FANCB: variants seen among roughly 807,000 people sequenced by gnomAD.
FANCB encodes the protein FA complementation group B.
A neutral mutation model predicts 38.9 loss-of-function variants in FANCB; 5 were observed. The ratio of observed to expected loss-of-function variants is 0.13; its 90% CI spans 0.07 to 0.27. The LOEUF (loss-of-function observed/expected upper bound fraction) is 0.27. FANCB is among the 10% of genes least tolerant of loss of function. FANCB has a pLI of 1.00. For missense variants in FANCB, 573 were observed against 602.7 expected (o/e 0.95, Z 0.52); for synonymous variants, 236 against 215.4 (o/e 1.10, Z -0.84).
At chrX:14,839,742 T>G (rs756761894), downstream of FANCB, among the ~76,000 whole-genome samples, 1 of 111,883 alleles carries the variant, frequency 8.9e-6, no homozygotes, top group Non-Finnish European at 1.9e-5. Context: ...AATAAACTGT[T>G]TCTATCCTGG....
In FANCB at chrX:14,844,978, A is replaced by G; in HGVS notation, c.1805T>C (p.Met602Thr). The G allele has an allele frequency of 8.3e-7, 1 of 1,207,160 alleles. No individual in the cohort carries two copies. Among genetic ancestry groups the G allele is most frequent in the African/African-American group, 1.7e-5 (1 of 57,779 alleles). ...KFCCTVLLQIMERESGNCPKD... is the reference protein window; with the variant it reads ...KFCCTVLLQITERESGNCPKD... The stretch of plus-strand genomic sequence containing the variant: ...AGGACAGTTACCACTTTCTCTCTCC[A>G]TAATTTGTAGCAGTACAGTGCAACA... Residue 602 changes from methionine (M) to threonine (T), a missense_variant, in exon 8 of 10, where the codon ATG (methionine) becomes ACG (threonine). Transcript: ENST00000650831.
At chrX:14,790,383 C>A in the FANCB span, among the ~76,000 whole-genome samples, 1 of 111,737 alleles carries the variant, frequency 8.9e-6, no homozygotes, top group Non-Finnish European at 1.9e-5. Context: ...ATCAGAGAAT[C>A]TAGGTTCTAG....
the FANCB span, among the ~76,000 whole-genome samples, chrX:14,714,401 C>A: frequency 9.0e-6 from 1 of 111,412 alleles, no homozygotes; most frequent in African/African-American, 3.3e-5. Context: ...TATCTAGCCC[C>A]AAGTATCAAT....
chrX:14,706,515 T>G, the FANCB span, among the ~76,000 whole-genome samples: 3 of 112,521 alleles, frequency 2.7e-5, no homozygotes, highest in Non-Finnish European at 3.7e-5. Context: ...AATTTTATTT[T>G]TAATTGTGAA....
At chrX:14,735,539 G>T in the FANCB span, among the ~76,000 whole-genome samples, 1 of 112,056 alleles carries the variant, frequency 8.9e-6, no homozygotes, top group East Asian at 2.8e-4. Context: ...TCCAGACCCT[G>T]TTTGCCTGGG....
the FANCB span, among the ~76,000 whole-genome samples, chrX:14,800,664 T>A: frequency 8.9e-6 from 1 of 111,990 alleles, no homozygotes; most frequent in East Asian, 2.8e-4. Flanking sequence ...GGAACCCACA[T>A]GTATTCTGTA....
chrX:14,850,360 G>GTAA (rs1183510875), intron 7 of FANCB, 145 bp downstream of exon 7: 1 of 537,990 alleles, frequency 1.9e-6, no homozygotes, highest in African/African-American at 2.3e-5. Context: ...AAAAAAAACA[G>GTAA]TAATAATAAT....
At chrX:14,793,568 T>G in the FANCB span, among the ~76,000 whole-genome samples, 1 of 112,134 alleles carries the variant, frequency 8.9e-6, no homozygotes, top group African/African-American at 3.2e-5. Context: ...AAGATCAAAT[T>G]TTCAAAATCC....
the FANCB span, among the ~76,000 whole-genome samples, chrX:14,745,642 C>G: frequency 1.9e-5 from 2 of 107,260 alleles, no homozygotes; most frequent in South Asian, 8.3e-4. Context: ...CTGGCTACCT[C>G]CAAAATGAAT....
At chrX:14,690,689 GTGTC>G in the FANCB span, 5 of 1,033,181 alleles carry the variant, frequency 4.8e-6, no homozygotes, top group African/African-American at 3.7e-5. Context: ...GTGTGTGTGT[GTGTC>G]TCTCTCTCTC....
chrX:14,796,529 C>A, the FANCB span, among the ~76,000 whole-genome samples: 27 of 91,452 alleles, frequency 3.0e-4, no homozygotes, highest in African/African-American at 9.6e-4. Flanking sequence ...CATATATAAT[C>A]TATTATATAT....
At chrX:14,867,417 T>C (rs977460194) in intron 2 of FANCB, among the ~76,000 whole-genome samples, 2 of 110,879 alleles carry the variant, frequency 1.8e-5, no homozygotes, top group African/African-American at 3.3e-5. Flanking sequence ...GGAGAGGCCA[T>C]AAATAAATTC....
At chrX:14,834,247 A>G (rs1324104739), downstream of FANCB, among the ~76,000 whole-genome samples, 1 of 111,578 alleles carries the variant, frequency 9.0e-6, no homozygotes, top group Admixed American at 9.5e-5. Context: ...ATGTCATATC[A>G]TAACATTCCA....
chrX:14,767,580 A>G, the FANCB span, among the ~76,000 whole-genome samples: 1 of 110,735 alleles, frequency 9.0e-6, no homozygotes, highest in African/African-American at 3.3e-5. Context: ...GACTCTGGAT[A>G]TTAGACCTTT....
chrX:14,734,499 T>C, the FANCB span, among the ~76,000 whole-genome samples: 1 of 111,650 alleles, frequency 9.0e-6, no homozygotes, highest in Non-Finnish European at 1.9e-5. Context: ...TTTGGCTGGA[T>C]ACGAAATTCT....
At chrX:14,796,506 A>T in the FANCB span, among the ~76,000 whole-genome samples, 2 of 97,746 alleles carry the variant, frequency 2.0e-5, no homozygotes, top group South Asian at 4.3e-4. Flanking sequence ...TATATAACAT[A>T]TATAATATAT....
At chrX:14,764,446 A>C in the FANCB span, among the ~76,000 whole-genome samples, 1 of 111,734 alleles carries the variant, frequency 8.9e-6, no homozygotes, top group East Asian at 2.8e-4. Flanking sequence ...TATGTAACAG[A>C]ATTAATTATG....
chrX:14,787,005 G>C, the FANCB span, among the ~76,000 whole-genome samples: 1 of 111,450 alleles, frequency 9.0e-6, no homozygotes, highest in Non-Finnish European at 1.9e-5. Context: ...CCATGACTCT[G>C]AGAAAAGTTA....
rs949544559 is a variant in FANCB at position 14,864,482 on chromosome X, A to T, written c.951+78T>A. ...ATTGACTTAGACAATAAGACTCCAGAATGAACTCTATGAACTATACAAATG... is the reference window on the plus strand; with the variant it reads ...ATTGACTTAGACAATAAGACTCCAGTATGAACTCTATGAACTATACAAATG... On this transcript the variant is annotated intron_variant, in intron 3 of 9. Coordinates refer to ENST00000650831, the MANE Select transcript of FANCB (RefSeq NM_001018113.3). 7.7e-6 allele frequency: 5 copies of T among 651,459 alleles called. No individual in the cohort carries two copies. The African/African-American group carries it at 8.6e-5, about 11-fold the overall frequency. The allele number at this position is 651,459 out of a possible 1,213,427, so 53.7% of individuals were successfully genotyped here. A position where few individuals can be genotyped will look rare whatever the true frequency, so the allele number is the denominator to read the frequency against.
Sources: allele counts gnomAD v4.1 joint callset (sites outside exome capture counted in the v4.1 genomes callset), GRCh38; gene constraint gnomAD v4.1.1; transcripts MANE v1.5; gene names NCBI Gene and HGNC (gene_info 2026-07-23, HGNC 2026-07-21).